The following GRIN2D variants were observed in gnomAD, a reference collection of about 807,000 sequenced individuals.
The protein encoded by GRIN2D is glutamate receptor ionotropic, NMDA 2D.
Under a neutral mutation model 103.2 loss-of-function variants are expected in GRIN2D, and 37 were observed. The ratio of observed to expected loss-of-function variants is 0.36; its 90% CI spans 0.28 to 0.47. The LOEUF (loss-of-function observed/expected upper bound fraction) is 0.47, where lower values mean the gene tolerates loss of function less well. Ranked by LOEUF, GRIN2D falls within the 20% of genes least tolerant of loss-of-function variation. The probability of loss-of-function intolerance (pLI) is 1.00; values close to 1 mark genes in which losing one functional copy is unlikely to be tolerated. For missense variants in GRIN2D, 1,557 were observed against 1,910.6 expected (o/e 0.81, Z 3.45); for synonymous variants, 845 against 885.6 (o/e 0.95, Z 0.81).
In GRIN2D at chr19:48,394,676, G is replaced by A. The variant is rs897894729; in HGVS notation, c.-287G>A. Among the ~76,000 whole-genome samples, 1 of 152,184 alleles carries A rather than the reference G, an allele frequency of 6.6e-6. No homozygotes were observed. The highest frequency in any genetic ancestry group is 1.5e-5 in the Non-Finnish European group (1 of 68,020). On this transcript the variant is annotated 5_prime_UTR_variant, in exon 2 of 14. Transcript: ENST00000263269. This position sits in a 1 kb window ranked among gnomAD's most constrained non-coding sequence, Gnocchi z 5.1. Reference sequence around the variant, plus strand: ...CTTCCAGAGCAACATGTGTAGCCACGTCCTCGCCTAGTCCAGGTGGCCGCA... The same window carrying A: ...CTTCCAGAGCAACATGTGTAGCCACATCCTCGCCTAGTCCAGGTGGCCGCA...
intron 11 of GRIN2D, 37 bp from the exon 12 acceptor site, chr19:48,441,732 T>G (rs1437857614): frequency 6.4e-7 from 1 of 1,561,528 alleles, no homozygotes; most frequent in Non-Finnish European, 8.7e-7. Flanking sequence ...GGCATCTAGG[T>G]GGGACTGACC....
intron 11 of GRIN2D, among the ~76,000 whole-genome samples, chr19:48,423,038 T>G (rs1971042043): frequency 6.6e-6 from 1 of 151,960 alleles, no homozygotes; most frequent in Non-Finnish European, 1.5e-5. Flanking sequence ...TGATGAAACC[T>G]TGTCTCTACT....
chr19:48,416,265 AC>A (rs1322567565), intron 8 of GRIN2D, 110 bp downstream of exon 8: 8 of 873,878 alleles, frequency 9.2e-6, no homozygotes, highest in Non-Finnish European at 3.5e-6. Flanking sequence ...CGGTACTTGA[AC>A]CCGCTGTGCA....
rs1490022071 is a variant in GRIN2D at position 48,414,849 on chromosome 19, G to A, written c.1413-15G>A. ...GGGGGTCCCCAAACTCCCCAAGCCT[G>A]GTCACTGCCCGCAGCCCTCCACCGG... On this transcript the variant is annotated splice_polypyrimidine_tract_variant and intron_variant, in intron 6 of 13. Transcript: ENST00000263269. This position sits in a 1 kb window ranked among gnomAD's most constrained non-coding sequence, Gnocchi z 4.6. 4 of 1,613,560 alleles carry A rather than the reference G, an allele frequency of 2.5e-6. No individual in the cohort carries two copies. Among genetic ancestry groups the A allele is most frequent in the Non-Finnish European group, 3.4e-6 (4 of 1,179,820 alleles).
In GRIN2D at chr19:48,443,345, C is replaced by G; in HGVS notation, c.3419C>G (p.Pro1140Arg). 3.9e-6 allele frequency: 6 copies of G among 1,522,308 alleles called. No individual in the cohort carries two copies. Among genetic ancestry groups the G allele is most frequent in the Non-Finnish European group, 5.2e-6 (6 of 1,144,492 alleles). 94.3% of individuals were successfully genotyped at this position (1,522,308 alleles called of 1,614,324 possible). ...EPWWFADFPY[P>R]YAERLGPPPG... ...TGGTGGTTCGCCGACTTCCCTTACC[C>G]GTATGCCGAGCGCCTCGGGCCGCCG... The change falls in exon 14 of 14, where the codon CCG becomes CGG. Residue 1140 changes from proline to arginine, a missense_variant. Transcript: ENST00000263269. The surrounding 1 kb of genome is among the most constrained non-coding windows in gnomAD (Gnocchi z 8.9).
At position 48,443,662 on chromosome 19, in the gene GRIN2D, G is replaced by C; in HGVS notation, c.3736G>C (p.Ala1246Pro). Reference sequence around the variant, plus strand: ...GGCCTCGCACCGCACGCCCGCCGCCGCCGCGCCCCACCACCACAGGCACCG... The same window carrying C: ...GGCCTCGCACCGCACGCCCGCCGCCCCCGCGCCCCACCACCACAGGCACCG... ...PRASHRTPAA[A>P]APHHHRHRRA... Residue 1246 changes from alanine (A) to proline (P), a missense_variant, in exon 14 of 14, where the codon GCC becomes CCC. Coordinates refer to ENST00000263269, the MANE Select transcript of GRIN2D (RefSeq NM_000836.4). This position sits in a 1 kb window ranked among gnomAD's most constrained non-coding sequence, Gnocchi z 8.9. 1 of 1,165,420 alleles carries C rather than the reference G, an allele frequency of 8.6e-7. No homozygotes were observed. Among genetic ancestry groups the C allele is most frequent in the Non-Finnish European group, 1.1e-6 (1 of 948,100 alleles). The allele number at this position is 1,165,420 out of a possible 1,614,324, so 72.2% of individuals were successfully genotyped here. A position where few individuals can be genotyped will look rare whatever the true frequency, so the allele number is the denominator to read the frequency against.
intron 7 of GRIN2D, 25 bp from the exon 8 acceptor site, chr19:48,415,977 C>A: frequency 6.2e-7 from 1 of 1,604,474 alleles, no homozygotes; most frequent in Non-Finnish European, 8.5e-7. Context: ...GTTCCCCCGC[C>A]CACTCCTCAT....
chr19:48,418,676 G>T (rs938293739), intron 8 of GRIN2D, among the ~76,000 whole-genome samples: 1 of 152,112 alleles, frequency 6.6e-6, no homozygotes, highest in African/African-American at 2.4e-5. Context: ...GAGGGAGGAA[G>T]GGAGGACGGC....
Position 48,414,948 on chromosome 19 carries a change from C to T in GRIN2D, c.1497C>T (p.Ile499=). ...IDILKRLAHT[I]GFSYDLYLVT... ...TTCTGAAGCGGCTGGCGCATACCAT[C>T]GGCTTCAGCTACGACCTCTACCTGG... The change falls in exon 7 of 14, where the codon ATC becomes ATT. Residue 499 remains isoleucine, a synonymous_variant. Transcript: ENST00000263269. This position sits in a 1 kb window ranked among gnomAD's most constrained non-coding sequence, Gnocchi z 4.6. The T allele has an allele frequency of 1.2e-6, 2 of 1,613,964 alleles. No homozygotes were observed. Among genetic ancestry groups the T allele is most frequent in the Non-Finnish European group, 1.7e-6 (2 of 1,179,940 alleles).
intron 2 of GRIN2D, among the ~76,000 whole-genome samples, chr19:48,396,876 C>A (rs1223352244): frequency 6.6e-6 from 1 of 152,090 alleles, no homozygotes; most frequent in Non-Finnish European, 1.5e-5. Flanking sequence ...TGGACCCTCA[C>A]CCCTTCTGGA....
chr19:48,417,893 G>T (rs555980468), intron 8 of GRIN2D, among the ~76,000 whole-genome samples: 1 of 152,028 alleles, frequency 6.6e-6, no homozygotes, highest in East Asian at 1.9e-4. Flanking sequence ...AGCTCCCAGG[G>T]GCTAAACACA....
intron 11 of GRIN2D, among the ~76,000 whole-genome samples, chr19:48,431,634 G>T (rs1971156917): frequency 6.7e-6 from 1 of 150,174 alleles, no homozygotes; most frequent in Non-Finnish European, 1.5e-5. Flanking sequence ...GCCCAGGCTG[G>T]AGTGCAATGG....
At chr19:48,438,631 G>A (rs1237583161) in intron 11 of GRIN2D, among the ~76,000 whole-genome samples, 12 of 151,294 alleles carry the variant, frequency 7.9e-5, no homozygotes, top group East Asian at 3.9e-4. Context: ...ACGGGGTTTC[G>A]CCATGTTGGC....
chr19:48,441,902 G>C lies in GRIN2D; in HGVS notation c.2386G>C (p.Gly796Arg). 1 of 1,612,754 alleles carries C rather than the reference G, an allele frequency of 6.2e-7. No homozygotes were observed. The highest frequency in any genetic ancestry group is 8.5e-7 in the Non-Finnish European group (1 of 1,179,880). The part of the protein sequence containing the change: ...TTGYGIALHK[G>R]SRWKRPIDLA... ...AGGCTATGGCATCGCCCTGCACAAG[G>C]GCTCCCGCTGGAAGCGGCCCATCGA... Residue 796 changes from glycine (G) to arginine (R), a missense_variant, in exon 12 of 14, where the codon GGC becomes CGC. Transcript: ENST00000263269.
intron 8 of GRIN2D, among the ~76,000 whole-genome samples, chr19:48,418,232 C>T (rs551911566): frequency 1.3e-5 from 2 of 151,892 alleles, no homozygotes; most frequent in African/African-American, 4.8e-5. Flanking sequence ...GGGGTTTCAC[C>T]ATGTTGGCCA....
chr19:48,430,292 C>T (rs952581078), intron 11 of GRIN2D, among the ~76,000 whole-genome samples: 2 of 152,086 alleles, frequency 1.3e-5, no homozygotes, highest in African/African-American at 4.8e-5. Context: ...CTGTGCCTCC[C>T]AGGTTCAAGT....
chr19:48,437,900 TA>T (rs1297630473), intron 11 of GRIN2D, among the ~76,000 whole-genome samples: 1 of 152,202 alleles, frequency 6.6e-6, no homozygotes, highest in African/African-American at 2.4e-5. Flanking sequence ...TGTTAGGATC[TA>T]TATAAAATTA....
At chr19:48,404,680 G>T in intron 3 of GRIN2D, 54 bp from the exon 4 acceptor site, 1 of 1,513,440 alleles carries the variant, frequency 6.6e-7, no homozygotes. Context: ...ATTCATTGCT[G>T]AGAAATAAGG....
At chr19:48,430,026 G>A (rs556616773) in intron 11 of GRIN2D, among the ~76,000 whole-genome samples, 5 of 152,010 alleles carry the variant, frequency 3.3e-5, no homozygotes, top group African/African-American at 1.2e-4. Context: ...TTTTCCATCC[G>A]CTTCTCACTA....
Sources: allele counts gnomAD v4.1 joint callset (sites outside exome capture counted in the v4.1 genomes callset), GRCh38; gene constraint gnomAD v4.1.1; non-coding constraint Gnocchi (gnomAD v3.1); transcripts MANE v1.5; gene names NCBI Gene and HGNC (gene_info 2026-07-23, HGNC 2026-07-21).